Variants in MDFIC2 observed in about 807,000 individuals in gnomAD.
MDFIC2 encodes the protein myoD family inhibitor domain-containing protein 2.
At chr3:70,258,425 T>A (rs943122057) in intron 2 of MDFIC2, among the ~76,000 whole-genome samples, 7 of 152,100 alleles carry the variant, frequency 4.6e-5, no homozygotes, top group African/African-American at 1.7e-4. Flanking sequence ...AATATGTATT[T>A]ACAGAGAGAG....
intron 2 of MDFIC2, among the ~76,000 whole-genome samples, chr3:70,215,171 A>C (rs1438119183): frequency 6.6e-6 from 1 of 152,120 alleles, no homozygotes; most frequent in Non-Finnish European, 1.5e-5. Flanking sequence ...AGCTCACAAC[A>C]GTTTTGCAAA....
chr3:70,286,147 G>T (rs1406142572), intron 2 of MDFIC2, among the ~76,000 whole-genome samples: 2 of 152,202 alleles, frequency 1.3e-5, no homozygotes, highest in Admixed American at 1.3e-4. Context: ...CCTATGTCCT[G>T]AATGGTAATG....
intron 2 of MDFIC2, among the ~76,000 whole-genome samples, chr3:70,280,184 G>T (rs1575614042): frequency 6.6e-6 from 1 of 152,092 alleles, no homozygotes; most frequent in East Asian, 1.9e-4. Context: ...TGTCCCCATG[G>T]TTGTATCATC....
intron 2 of MDFIC2, among the ~76,000 whole-genome samples, chr3:70,274,709 A>G (rs1468177791): frequency 6.6e-6 from 1 of 152,176 alleles, no homozygotes; most frequent in Non-Finnish European, 1.5e-5. Context: ...GCACACATCT[A>G]CCTATGTAAC....
intron 2 of MDFIC2, among the ~76,000 whole-genome samples, chr3:70,283,248 TGTAAACTCATGCAGTCCTCTGA>T (rs1559553405): frequency 6.6e-6 from 1 of 152,106 alleles, no homozygotes; most frequent in Non-Finnish European, 1.5e-5. Context: ...GCGGGAACCT[TGTAAACTCATGCAGTCCTCTGA>T]TTGATTGCTT....
chr3:70,249,697 C>T (rs1015308718), intron 2 of MDFIC2: 5 of 152,126 alleles, frequency 3.3e-5, no homozygotes, highest in South Asian at 4.1e-4. Context: ...ATTTATTTCC[C>T]GCCTTCCCCT....
chr3:70,296,632 G>A (rs1356552433), intron 2 of MDFIC2, among the ~76,000 whole-genome samples: 2 of 152,094 alleles, frequency 1.3e-5, no homozygotes, highest in African/African-American at 4.8e-5. Flanking sequence ...TGTCCTTGAT[G>A]TTTTCTTTTC....
At chr3:70,248,342 T>C (rs1283878012) in intron 2 of MDFIC2, among the ~76,000 whole-genome samples, 1 of 152,010 alleles carries the variant, frequency 6.6e-6, no homozygotes, top group African/African-American at 2.4e-5. Context: ...AGTTTATAAA[T>C]GGAGAAAAAA....
At chr3:70,250,044 T>C (rs569452499) in intron 2 of MDFIC2, among the ~76,000 whole-genome samples, 17 of 152,296 alleles carry the variant, frequency 1.1e-4, no homozygotes, top group African/African-American at 4.1e-4. Flanking sequence ...TATTAAGTTA[T>C]TCTTTTAAAA....
chr3:70,295,126 A>C (rs1384378984), intron 2 of MDFIC2, among the ~76,000 whole-genome samples: 2 of 152,138 alleles, frequency 1.3e-5, no homozygotes, highest in Non-Finnish European at 2.9e-5. Context: ...AATTCTTCCA[A>C]CTTCTGAGAT....
At chr3:70,284,346 A>G (rs1296839939) in intron 2 of MDFIC2, among the ~76,000 whole-genome samples, 3 of 152,192 alleles carry the variant, frequency 2.0e-5, no homozygotes, top group Non-Finnish European at 4.4e-5. Flanking sequence ...GTAAACTAAT[A>G]AAGTTTGCAT....
intron 2 of MDFIC2, among the ~76,000 whole-genome samples, chr3:70,303,958 C>G (rs759753416): frequency 6.6e-6 from 1 of 152,198 alleles, no homozygotes; most frequent in African/African-American, 2.4e-5. Flanking sequence ...GCTGGAATTA[C>G]AGGCATGAGC....
At chr3:70,284,938 T>C (rs1359830084) in intron 2 of MDFIC2, among the ~76,000 whole-genome samples, 1 of 152,180 alleles carries the variant, frequency 6.6e-6, no homozygotes, top group Non-Finnish European at 1.5e-5. Flanking sequence ...TTGGTGTAAC[T>C]GATTCATGTG....
chr3:70,290,948 A>C (rs529912689), intron 2 of MDFIC2, among the ~76,000 whole-genome samples: 74 of 152,166 alleles, frequency 4.9e-4, no homozygotes, highest in Admixed American at 1.2e-3. Flanking sequence ...CACTGACCTG[A>C]GCCCACTGTC....
At chr3:70,224,991 TGA>T (rs1701490233) in intron 2 of MDFIC2, among the ~76,000 whole-genome samples, 1 of 152,154 alleles carries the variant, frequency 6.6e-6, no homozygotes, top group African/African-American at 2.4e-5. Flanking sequence ...ATAGGTGACA[TGA>T]CAATGTTGAT....
intron 2 of MDFIC2, among the ~76,000 whole-genome samples, chr3:70,228,925 G>A (rs997125803): frequency 6.6e-6 from 1 of 152,042 alleles, no homozygotes; most frequent in African/African-American, 2.4e-5. Flanking sequence ...GTGTGAGTTA[G>A]CTTTCAAATA....
chr3:70,281,343 C>T (rs1407416217), intron 2 of MDFIC2, among the ~76,000 whole-genome samples: 1 of 152,162 alleles, frequency 6.6e-6, no homozygotes, highest in Non-Finnish European at 1.5e-5. Flanking sequence ...CATTCTCTCT[C>T]AACTTCATTA....
At chr3:70,259,748 T>C (rs1701848083) in intron 2 of MDFIC2, among the ~76,000 whole-genome samples, 2 of 152,176 alleles carry the variant, frequency 1.3e-5, no homozygotes, top group African/African-American at 4.8e-5. Flanking sequence ...ATTGTTGTAT[T>C]AGTCTGTTTT....
chr3:70,206,445 A>G (rs1339224553), intron 3 of MDFIC2, 124 bp downstream of exon 3: 4 of 394,512 alleles, frequency 1.0e-5, no homozygotes, highest in Non-Finnish European at 1.8e-5. Context: ...GAGTTTTCAA[A>G]TCGAAGTCTT....
Sources: gnomAD v4.1 joint callset for allele counts (sites outside exome capture counted in the v4.1 genomes callset) on GRCh38, gnomAD v4.1.1 for gene constraint, MANE v1.5 for transcripts, NCBI Gene and HGNC (gene_info 2026-07-23, HGNC 2026-07-21) for gene names.